EXOC6B: variants seen among roughly 807,000 people sequenced by gnomAD.
EXOC6B encodes exocyst complex component 6B.
In EXOC6B, 54 loss-of-function variants were observed where a neutral mutation model predicts 113.5. That is an observed-to-expected ratio of 0.48 (90% CI 0.38 to 0.60). EXOC6B has a LOEUF of 0.60. Among genes scored for constraint, EXOC6B ranks in the 20% least tolerant of loss-of-function variants. The probability of loss-of-function intolerance (pLI) is 0.00; values close to 1 mark genes in which losing one functional copy is unlikely to be tolerated. For missense variants in EXOC6B, 797 were observed against 977.5 expected, an observed-to-expected ratio of 0.82 and a Z score of 2.46; for synonymous variants, 357 against 339.0, an observed-to-expected ratio of 1.05 and a Z score of -0.58.
rs371783031 is a variant in EXOC6B, at chr2:72,812,544, G to A, written c.113+13254C>T. Among the ~76,000 whole-genome samples the A allele has an allele frequency of 2.6e-5, 4 of 152,146 alleles. No individual in the cohort carries two copies. The South Asian group carries it at 8.3e-4, about 32-fold the overall frequency. ...AGATTATTCTAAAAACATATAAGGT[G>A]GCCTGACACTGTGGCTTGTGTGTGT... On this transcript the variant is annotated intron_variant, in intron 1 of 21. Transcript: ENST00000272427.
rs1352789652 is a variant in EXOC6B, at chr2:72,335,037, A to C, written c.2123-17T>G. ...TGGCAAACTCTGTGGGAAAGAAAAG[A>C]GGATAAAAAGCGCCTTTAACTAACC... is the stretch of plus-strand genomic sequence containing the variant. On this transcript the variant is annotated splice_polypyrimidine_tract_variant and intron_variant, in intron 19 of 21. Coordinates refer to ENST00000272427, the MANE Select transcript of EXOC6B (RefSeq NM_015189.3). 5 of 1,612,478 alleles carry C rather than the reference A, an allele frequency of 3.1e-6. No homozygotes were observed. Among genetic ancestry groups the C allele is most frequent in the Non-Finnish European group, 3.4e-6 (4 of 1,178,758 alleles).
chr2:72,387,672 T>C (rs1692122084), intron 18 of EXOC6B, among the ~76,000 whole-genome samples: 1 of 152,156 alleles, frequency 6.6e-6, no homozygotes, highest in Non-Finnish European at 1.5e-5. Context: ...ATATTTAGTC[T>C]CTGTAGTTTC....
chr2:72,405,370 G>C (rs995496231), intron 18 of EXOC6B, among the ~76,000 whole-genome samples: 1 of 152,104 alleles, frequency 6.6e-6, no homozygotes, highest in Admixed American at 6.6e-5. Flanking sequence ...AGATACTCCT[G>C]GAGAGGAGCA....
At chr2:72,645,671 C>T (rs924637582) in intron 6 of EXOC6B, among the ~76,000 whole-genome samples, 2 of 152,170 alleles carry the variant, frequency 1.3e-5, no homozygotes, top group African/African-American at 4.8e-5. Context: ...GGAAACTGAA[C>T]AACCTGCTCC....
At chr2:72,732,618 A>T (rs562792938) in intron 3 of EXOC6B, among the ~76,000 whole-genome samples, 19 of 152,330 alleles carry the variant, frequency 1.2e-4, no homozygotes, top group East Asian at 3.9e-4. Context: ...TACAAAAAAA[A>T]ATATAAGTAA....
chr2:72,489,584 A>G (rs1042981512), intron 16 of EXOC6B, among the ~76,000 whole-genome samples: 20 of 152,198 alleles, frequency 1.3e-4, no homozygotes, highest in Non-Finnish European at 1.5e-4. Flanking sequence ...ACATGCTACC[A>G]TTATCCCCAT....
intron 20 of EXOC6B, among the ~76,000 whole-genome samples, chr2:72,327,234 T>C (rs1688176102): frequency 6.6e-6 from 1 of 152,038 alleles, no homozygotes; most frequent in Non-Finnish European, 1.5e-5. Flanking sequence ...TGTTTGGGGC[T>C]TACATTGCTA....
At chr2:72,724,694 T>C (rs913678801) in intron 5 of EXOC6B, among the ~76,000 whole-genome samples, 3 of 152,100 alleles carry the variant, frequency 2.0e-5, no homozygotes, top group African/African-American at 7.2e-5. Context: ...ACAATGTACA[T>C]GTATGTAAAG....
At chr2:72,441,607 T>C (rs11902519) in intron 18 of EXOC6B, among the ~76,000 whole-genome samples, 1,555 of 152,292 alleles carry the variant, frequency 0.01, 41 homozygotes, top group African/African-American at 0.036. Flanking sequence ...GAGAATATTA[T>C]AAACACCTCT....
chr2:72,713,809 A>C (rs1157789196), intron 6 of EXOC6B, among the ~76,000 whole-genome samples: 1 of 152,228 alleles, frequency 6.6e-6, no homozygotes, highest in Non-Finnish European at 1.5e-5. Flanking sequence ...AGAGACGTGG[A>C]AGATATTTAT....
chr2:72,672,049 C>T (rs1009497813), intron 6 of EXOC6B, among the ~76,000 whole-genome samples: 3 of 151,934 alleles, frequency 2.0e-5, no homozygotes, highest in Admixed American at 6.6e-5. Context: ...TAGCAGGGTG[C>T]TGGCAAGGAT....
intron 8 of EXOC6B, among the ~76,000 whole-genome samples, chr2:72,558,798 C>T (rs945657391): frequency 6.6e-6 from 1 of 151,672 alleles, no homozygotes; most frequent in Non-Finnish European, 1.5e-5. Flanking sequence ...TATATATATA[C>T]ACAAATAAAA....
At chr2:72,740,869 G>A (rs1459160624) in intron 2 of EXOC6B, among the ~76,000 whole-genome samples, 7 of 152,288 alleles carry the variant, frequency 4.6e-5, no homozygotes, top group South Asian at 2.1e-4. Context: ...TTGGGAGGCC[G>A]AGGCGGGCAG....
At chr2:72,678,843 C>T (rs1025775765) in intron 6 of EXOC6B, among the ~76,000 whole-genome samples, 1 of 152,158 alleles carries the variant, frequency 6.6e-6, no homozygotes, top group Admixed American at 6.5e-5. Context: ...ATTCTCAATA[C>T]GTGCACCTAA....
At chr2:72,201,898 A>G (rs973351058) in intron 20 of EXOC6B, among the ~76,000 whole-genome samples, 6 of 152,172 alleles carry the variant, frequency 3.9e-5, no homozygotes, top group African/African-American at 1.4e-4. Context: ...GAATTCAGCT[A>G]AGTGCCCACT....
chr2:72,540,537 T>A (rs938808069), intron 8 of EXOC6B, among the ~76,000 whole-genome samples: 2 of 152,232 alleles, frequency 1.3e-5, no homozygotes, highest in African/African-American at 4.8e-5. Context: ...TTCCCGAGAA[T>A]AGGATAATTG....
At chr2:72,744,625 T>C (rs1336248761) in intron 1 of EXOC6B, among the ~76,000 whole-genome samples, 1 of 152,162 alleles carries the variant, frequency 6.6e-6, no homozygotes, top group African/African-American at 2.4e-5. Context: ...AGCTGATATA[T>C]TATTCAATAG....
chr2:72,204,305 G>T lies in EXOC6B; in HGVS notation c.2197-20118C>A, dbSNP rs555933884. On this transcript the variant is annotated intron_variant, in intron 20 of 21. Coordinates refer to ENST00000272427, the MANE Select transcript of EXOC6B (RefSeq NM_015189.3). ...GCAAACACCTCTCCCTGAGCTCCCC[G>T]CCCTCTGGCTCCTTGAGGTTCTCTG... is the stretch of plus-strand genomic sequence containing the variant. Among the ~76,000 whole-genome samples the T allele has an allele frequency of 6.6e-5, 10 of 152,138 alleles. No individual in the cohort carries two copies. The South Asian group carries it at 1.5e-3, about 22-fold the overall frequency.
At chr2:72,764,226 AC>A (rs1006872290) in intron 1 of EXOC6B, among the ~76,000 whole-genome samples, 1 of 151,810 alleles carries the variant, frequency 6.6e-6, no homozygotes, top group Non-Finnish European at 1.5e-5. Context: ...ATACTTATAT[AC>A]CCCTTTTAGT....
Sources: allele counts gnomAD v4.1 joint callset (sites outside exome capture counted in the v4.1 genomes callset), GRCh38; gene constraint gnomAD v4.1.1; transcripts MANE v1.5; gene names NCBI Gene and HGNC (gene_info 2026-07-23, HGNC 2026-07-21).